Variants in MERTK observed in about 807,000 individuals in gnomAD.
MERTK encodes the protein MER proto-oncogene, tyrosine kinase, also known as tyrosine-protein kinase Mer.
In MERTK, 69 loss-of-function variants were observed where a neutral mutation model predicts 99.3. That is an observed-to-expected ratio of 0.70 (90% confidence interval 0.57 to 0.85). The LOEUF (loss-of-function observed/expected upper bound fraction) is 0.85. Among genes scored for constraint, MERTK ranks in the 40% least tolerant of loss-of-function variants. The probability of loss-of-function intolerance (pLI) is 0.00; values close to 1 mark genes in which losing one functional copy is unlikely to be tolerated. For missense variants in MERTK, 1,125 were observed against 1,249.4 expected (o/e 0.90, Z 1.50); for synonymous variants, 426 against 467.6 (o/e 0.91, Z 1.15).
rs747835003 is a variant in MERTK at position 111,947,389 on chromosome 2, C to T, written c.584-5C>T. The T allele has an allele frequency of 5.6e-6, 9 of 1,613,060 alleles. No homozygotes were observed. The highest frequency in any genetic ancestry group is 1.3e-5 in the African/African-American group (1 of 74,764). ...ACATTCTTTTGTGTAACGTTTTCTC[C>T]GCAGGACTTCCTCACTTTACTAAGC... On this transcript the variant is annotated splice_polypyrimidine_tract_variant and splice_region_variant and intron_variant, in intron 3 of 18. Transcript: ENST00000295408.
At chr2:111,926,586 G>A (rs750119734) in intron 1 of MERTK, among the ~76,000 whole-genome samples, 9 of 149,158 alleles carry the variant, frequency 6.0e-5, no homozygotes, top group Admixed American at 2.7e-4. Flanking sequence ...GATTAGCCGG[G>A]CATGGTGGCG....
At chr2:111,926,820 T>C (rs11686647) in intron 1 of MERTK, among the ~76,000 whole-genome samples, 1 of 152,120 alleles carries the variant, frequency 6.6e-6, no homozygotes, top group Non-Finnish European at 1.5e-5. Flanking sequence ...AGAACATGCA[T>C]TGCTGCAGAA....
chr2:111,956,147 G>A (rs1685144759), intron 4 of MERTK, among the ~76,000 whole-genome samples: 1 of 152,048 alleles, frequency 6.6e-6, no homozygotes, highest in African/African-American at 2.4e-5. Context: ...AAGAGCTCTA[G>A]CTTTGGCATG....
intron 6 of MERTK, among the ~76,000 whole-genome samples, chr2:111,969,628 G>A (rs1480563174): frequency 6.6e-6 from 1 of 151,446 alleles, no homozygotes; most frequent in Non-Finnish European, 1.5e-5. Context: ...CTTCCCTGAA[G>A]AGTAAAAGCC....
Position 111,968,228 on chromosome 2 carries a change from C to T in MERTK, c.936C>T (p.Ser312=). Residue 312 remains serine (S), a synonymous_variant, in exon 6 of 19, where the codon TCC becomes TCT. Transcript: ENST00000295408. ...ISWVPGFDGY[S]PFRNCSIQVK... ...GGGTTCCTGGTTTTGATGGATACTC[C>T]CCGTTCAGGAATTGCAGCATTCAGG... The T allele has an allele frequency of 6.2e-7, 1 of 1,613,708 alleles. No individual in the cohort carries two copies. Among genetic ancestry groups the T allele is most frequent in the Non-Finnish European group, 8.5e-7 (1 of 1,179,756 alleles).
At chr2:111,951,615 T>C (rs1010495443) in intron 4 of MERTK, among the ~76,000 whole-genome samples, 2 of 148,890 alleles carry the variant, frequency 1.3e-5, no homozygotes, top group Non-Finnish European at 3.0e-5. Flanking sequence ...TAAGCTATTA[T>C]GAATAATGCT....
At chr2:111,950,198 A>G (rs1289819377) in intron 4 of MERTK, among the ~76,000 whole-genome samples, 1 of 152,100 alleles carries the variant, frequency 6.6e-6, no homozygotes, top group African/African-American at 2.4e-5. Context: ...CACCTCCTAA[A>G]TTGCTGGGAT....
intron 2 of MERTK, among the ~76,000 whole-genome samples, chr2:111,944,530 A>AG (rs1684925712): frequency 6.6e-6 from 1 of 152,202 alleles, no homozygotes; most frequent in Non-Finnish European, 1.5e-5. Context: ...GTTTTAAGGA[A>AG]TTAGCTCACA....
chr2:111,997,414 G>C lies in MERTK; in HGVS notation c.1542G>C (p.Leu514Phe). 1 of 1,614,114 alleles carries C rather than the reference G, an allele frequency of 6.2e-7. No individual in the cohort carries two copies. Among genetic ancestry groups the C allele is most frequent in the Non-Finnish European group, 8.5e-7 (1 of 1,179,992 alleles). The change falls in exon 10 of 19, where the codon TTG becomes TTC. Residue 514 changes from leucine (L) to phenylalanine (F), a missense_variant. Coordinates refer to ENST00000295408, the MANE Select transcript of MERTK (RefSeq NM_006343.3). ...TTGGCTGCTTTTGTGGATTTATTTT[G>C]ATTGGGTTGATTTTATACATCTCCT... Reference protein sequence around the residue: ...IIFGCFCGFILIGLILYISLA... With the variant: ...IIFGCFCGFIFIGLILYISLA...
chr2:112,008,050 T>C (rs1010088544), intron 13 of MERTK, among the ~76,000 whole-genome samples: 5 of 152,158 alleles, frequency 3.3e-5, no homozygotes, highest in Admixed American at 6.5e-5. Context: ...ACTGATACAT[T>C]ATTATTAACC....
At chr2:111,939,207 C>A (rs945174768) in intron 2 of MERTK, among the ~76,000 whole-genome samples, 1 of 152,108 alleles carries the variant, frequency 6.6e-6, no homozygotes, top group Non-Finnish European at 1.5e-5. Flanking sequence ...CCTAAGGCAA[C>A]GCAGGGCATC....
intron 6 of MERTK, among the ~76,000 whole-genome samples, chr2:111,974,957 G>A (rs2176292): frequency 0.98 from 148,458 of 152,206 alleles, 72,517 homozygotes; most frequent in Middle Eastern, 1. Context: ...AGCTGAAAGA[G>A]GTCAAGAATC....
chr2:111,952,737 A>G (rs1378367559), intron 4 of MERTK: 1 of 152,232 alleles, frequency 6.6e-6, no homozygotes, highest in Admixed American at 6.5e-5. Flanking sequence ...GAGCACCACC[A>G]GTATTTCTTT....
At chr2:111,935,980 A>G (rs1684758953) in intron 2 of MERTK, among the ~76,000 whole-genome samples, 1 of 152,000 alleles carries the variant, frequency 6.6e-6, no homozygotes, top group Non-Finnish European at 1.5e-5. Context: ...GCAGTGGCGT[A>G]ATCTCAGCTC....
At chr2:111,986,969 A>G (rs1237623814) in intron 8 of MERTK, among the ~76,000 whole-genome samples, 6 of 152,302 alleles carry the variant, frequency 3.9e-5, no homozygotes, top group Admixed American at 6.5e-5. Flanking sequence ...CCCACACCCA[A>G]AAGGAAGTTT....
intron 4 of MERTK, among the ~76,000 whole-genome samples, chr2:111,959,147 G>A (rs1331059759): frequency 6.6e-6 from 1 of 152,136 alleles, no homozygotes; most frequent in African/African-American, 2.4e-5. Flanking sequence ...GATCTGGAAG[G>A]TTAAAAGTGA....
intron 13 of MERTK, among the ~76,000 whole-genome samples, chr2:112,007,722 C>T (rs564641262): frequency 2.0e-5 from 3 of 151,718 alleles, no homozygotes; most frequent in Non-Finnish European, 2.9e-5. Context: ...ACTCACAAGG[C>T]GTGGTTGAGC....
intron 10 of MERTK, among the ~76,000 whole-genome samples, chr2:111,998,612 G>T (rs1484247151): frequency 2.0e-5 from 3 of 152,168 alleles, no homozygotes; most frequent in Non-Finnish European, 2.9e-5. Flanking sequence ...AGAAAGTCAG[G>T]GAAGGCCTTT....
chr2:111,958,776 C>G (rs981686992), intron 4 of MERTK, among the ~76,000 whole-genome samples: 25 of 152,098 alleles, frequency 1.6e-4, no homozygotes, highest in Non-Finnish European at 3.5e-4. Flanking sequence ...CCTGTTAGGA[C>G]TAAAGATCAC....
Sources: gnomAD v4.1 joint callset for allele counts (sites outside exome capture counted in the v4.1 genomes callset) on GRCh38, gnomAD v4.1.1 for gene constraint, MANE v1.5 for transcripts, NCBI Gene and HGNC (gene_info 2026-07-23, HGNC 2026-07-21) for gene names.